GPRC5A: variants seen among roughly 807,000 people sequenced by gnomAD.
GPRC5A encodes the protein G protein-coupled receptor class C group 5 member A.
Under a neutral mutation model 22.5 loss-of-function variants are expected in GPRC5A, and 19 were observed. That is an observed-to-expected ratio of 0.85 (90% CI 0.59 to 1.24). GPRC5A has a LOEUF of 1.24. Ranked by LOEUF, GPRC5A falls within the 50% of genes most tolerant of loss-of-function variation. GPRC5A has a pLI of 0.00. For synonymous variants in GPRC5A, 192 were observed against 184.5 expected (o/e 1.04, Z -0.33); for missense variants, 471 against 451.1 (o/e 1.04, Z -0.40).
In GPRC5A at chr12:12,917,631, C is replaced by T. The variant is rs1864079621; in HGVS notation, c.*5092C>T. ...CTGATTTCTCCTCTGGTCATCTCCTCTCCCTTCTGCGTGTAAGCCATGGGA... is the reference window on the plus strand; with the variant it reads ...CTGATTTCTCCTCTGGTCATCTCCTTTCCCTTCTGCGTGTAAGCCATGGGA... On this transcript the variant is annotated 3_prime_UTR_variant, in exon 4 of 4. Transcript: ENST00000014914. 1 of 152,278 alleles carries T rather than the reference C, an allele frequency of 6.6e-6. No homozygotes were observed. The highest frequency in any genetic ancestry group is 6.5e-5 in the Admixed American group (1 of 15,274). The allele number at this position is 152,278 out of a possible 1,614,324, so 9.4% of individuals were successfully genotyped here.
rs1555105846 is a variant in GPRC5A at position 12,914,552 on chromosome 12, C to CTTTCTTTCT, written c.*2016_*2024dup. ...TCTTTCCTTCCTTCCTTCCTTTCTT[C>CTTTCTTTCT]TTTCTTTCTTTCTTTCTTTCTTTCT... On this transcript the variant is annotated 3_prime_UTR_variant, in exon 4 of 4. Transcript: ENST00000014914. 8.2e-5 allele frequency: 4 copies of CTTTCTTTCT among 48,872 alleles called. No individual in the cohort carries two copies. Among genetic ancestry groups the CTTTCTTTCT allele is most frequent in the Admixed American group, 2.4e-4 (1 of 4,188 alleles). The allele number at this position is 48,872 out of a possible 1,614,324, so 3.0% of individuals were successfully genotyped here. A position where few individuals can be genotyped will look rare whatever the true frequency, so the allele number is the denominator to read the frequency against.
At chr12:12,907,053 TAAA>T (rs1172274805) in intron 1 of GPRC5A, among the ~76,000 whole-genome samples, 1 of 125,238 alleles carries the variant, frequency 8.0e-6, no homozygotes, top group Admixed American at 8.1e-5. Flanking sequence ...AAACTCCGTC[TAAA>T]AAAAAAAAAA....
chr12:12,902,353 T>C (rs998570400), intron 1 of GPRC5A, among the ~76,000 whole-genome samples: 5 of 152,054 alleles, frequency 3.3e-5, no homozygotes, highest in Non-Finnish European at 7.4e-5. Flanking sequence ...ATGGTTTTTT[T>C]TTTTTAAAGA....
chr12:12,900,960 G>T (rs902169225), intron 1 of GPRC5A, among the ~76,000 whole-genome samples: 3 of 77,006 alleles, frequency 3.9e-5, no homozygotes, highest in Admixed American at 1.2e-4. Context: ...ACAAACAAAA[G>T]AACCAAAAAC....
At chr12:12,898,634 C>T (rs377005502) in intron 1 of GPRC5A, among the ~76,000 whole-genome samples, 3 of 152,204 alleles carry the variant, frequency 2.0e-5, no homozygotes, top group East Asian at 3.8e-4. Context: ...GATAGCTCCA[C>T]GTGCAGGTCG....
intron 1 of GPRC5A, among the ~76,000 whole-genome samples, chr12:12,905,428 C>T (rs534327009): frequency 2.0e-4 from 30 of 152,040 alleles, no homozygotes; most frequent in Non-Finnish European, 2.8e-4. Context: ...TTTATTGCCA[C>T]GTGAACAATC....
chr12:12,905,938 C>G (rs1863937474), intron 1 of GPRC5A, among the ~76,000 whole-genome samples: 1 of 152,048 alleles, frequency 6.6e-6, no homozygotes, highest in South Asian at 2.1e-4. Flanking sequence ...TGGGGCTGAA[C>G]TAGGAGAGTG....
chr12:12,907,366 A>ACTCCAGCC (rs1387410721), intron 1 of GPRC5A, among the ~76,000 whole-genome samples: 1 of 137,572 alleles, frequency 7.3e-6, no homozygotes, highest in Non-Finnish European at 1.5e-5. Context: ...GTGCCACTGC[A>ACTCCAGCC]CTCCAGCCTG....
At position 12,912,535 on chromosome 12, in the gene GPRC5A, G is replaced by A. The variant is rs1360229837; in HGVS notation, c.1070G>A (p.Ser357Asn). The A allele has an allele frequency of 1.3e-6, 2 of 1,584,886 alleles. No homozygotes were observed. The highest frequency in any genetic ancestry group is 4.5e-5 in the East Asian group (2 of 44,734). The change falls in exon 4 of 4, where the codon AGC (serine) becomes AAC (asparagine). Residue 357 changes from serine to asparagine, a missense_variant. Coordinates refer to ENST00000014914, the MANE Select transcript of GPRC5A (RefSeq NM_003979.4). Reference sequence around the variant, plus strand: ...GACTATGAAGTAAAGAAAGAGGGCAGCTAACTCTGTCCTGAAGAGTGGGAC... The same window carrying A: ...GACTATGAAGTAAAGAAAGAGGGCAACTAACTCTGTCCTGAAGAGTGGGAC... ...YKDYEVKKEGS is the reference protein window; with the variant it reads ...YKDYEVKKEGN
At chr12:12,902,794 A>G (rs1016088543) in intron 1 of GPRC5A, among the ~76,000 whole-genome samples, 1 of 152,150 alleles carries the variant, frequency 6.6e-6, no homozygotes, top group African/African-American at 2.4e-5. Context: ...AGGGCTGGGC[A>G]CGGTGGCTCA....
intron 1 of GPRC5A, among the ~76,000 whole-genome samples, chr12:12,902,040 G>A (rs1208911092): frequency 6.6e-6 from 1 of 152,070 alleles, no homozygotes; most frequent in African/African-American, 2.4e-5. Context: ...CCTCTCAAAT[G>A]CTGCTTTCTA....
intron 1 of GPRC5A, among the ~76,000 whole-genome samples, chr12:12,893,177 G>A (rs1056323780): frequency 6.6e-6 from 1 of 152,208 alleles, no homozygotes; most frequent in Non-Finnish European, 1.5e-5. Flanking sequence ...CAAGGGGCTG[G>A]GCCTGAGTTC....
At position 12,914,888 on chromosome 12, in the gene GPRC5A, G is replaced by C. The variant is rs1039906435; in HGVS notation, c.*2349G>C. On this transcript the variant is annotated 3_prime_UTR_variant, in exon 4 of 4. Coordinates refer to ENST00000014914, the MANE Select transcript of GPRC5A (RefSeq NM_003979.4). The stretch of plus-strand genomic sequence containing the variant: ...GCCCGCCTTGGCCTCCCAAAGTGCT[G>C]GGATTACGGGTGGGAATCACCATGC... 9 of 152,030 alleles carry C rather than the reference G, an allele frequency of 5.9e-5. No individual in the cohort carries two copies. The highest frequency in any genetic ancestry group is 2.6e-4 in the Admixed American group (4 of 15,232). The allele number at this position is 152,030 out of a possible 1,614,324, so 9.4% of individuals were successfully genotyped here. A position where few individuals can be genotyped will look rare whatever the true frequency, so the allele number is the denominator to read the frequency against.
intron 1 of GPRC5A, chr12:12,892,173 C>T (rs544846668): frequency 4.6e-5 from 7 of 152,300 alleles, no homozygotes; most frequent in African/African-American, 1.7e-4. Context: ...AGAAGCCCAT[C>T]CCTTTTCTCT....
Position 12,915,988 on chromosome 12 carries a change from C to G in GPRC5A, c.*3449C>G. 2.5e-6 allele frequency: 1 copy of G among 406,868 alleles called. No homozygotes were observed. The highest frequency in any genetic ancestry group is 5.2e-6 in the Non-Finnish European group (1 of 192,814). 25.2% of individuals were successfully genotyped at this position (406,868 alleles called of 1,614,324 possible). On this transcript the variant is annotated 3_prime_UTR_variant, in exon 4 of 4. Transcript: ENST00000014914. ...GTTAACTCATCTTCAGGTCTCACACCTTCTGCACATAAATAAGCTATTTTT... is the reference window on the plus strand; with the variant it reads ...GTTAACTCATCTTCAGGTCTCACACGTTCTGCACATAAATAAGCTATTTTT...
chr12:12,895,821 C>CAAAAAAAACAAAA (rs1863816972), intron 1 of GPRC5A, among the ~76,000 whole-genome samples: 1 of 75,646 alleles, frequency 1.3e-5, no homozygotes. Flanking sequence ...ACTAAAAATA[C>CAAAAAAAACAAAA]AAAAAAAAAA....
intron 1 of GPRC5A, among the ~76,000 whole-genome samples, chr12:12,901,026 T>C (rs1300858785): frequency 6.6e-6 from 1 of 152,036 alleles, no homozygotes; most frequent in African/African-American, 2.4e-5. Flanking sequence ...CAACAAGTGA[T>C]TCCAGGATCT....
In GPRC5A at chr12:12,912,175, G is replaced by A. The variant is rs746783376; in HGVS notation, c.981+33G>A. ...ATTTTTTTCTCCCTCTTCATCAAAG[G>A]CATTAGCACCTCAGGAACACTGATC... On this transcript the variant is annotated intron_variant, in intron 3 of 3. Transcript: ENST00000014914. 1.0e-5 allele frequency: 15 copies of A among 1,433,250 alleles called. No homozygotes were observed. The African/African-American group carries it at 2.0e-4, about 19-fold the overall frequency. The allele number at this position is 1,433,250 out of a possible 1,614,324, so 88.8% of individuals were successfully genotyped here. A position where few individuals can be genotyped will look rare whatever the true frequency, so the allele number is the denominator to read the frequency against.
intron 1 of GPRC5A, among the ~76,000 whole-genome samples, chr12:12,906,296 G>A (rs1382124478): frequency 2.6e-5 from 4 of 152,308 alleles, no homozygotes; most frequent in Non-Finnish European, 5.9e-5. Context: ...GAGGCTGGGC[G>A]GGGTGACTCA....
Sources: gnomAD v4.1 joint callset for allele counts (sites outside exome capture counted in the v4.1 genomes callset) on GRCh38, gnomAD v4.1.1 for gene constraint, MANE v1.5 for transcripts, NCBI Gene and HGNC (gene_info 2026-07-23, HGNC 2026-07-21) for gene names.